Variants in SNAP91 observed in about 807,000 individuals in gnomAD.
The protein encoded by SNAP91 is synaptosome associated protein 91.
Under a neutral mutation model 100.3 loss-of-function variants are expected in SNAP91, and 27 were observed. That is an observed-to-expected ratio of 0.27 (90% CI 0.20 to 0.37). The LOEUF (loss-of-function observed/expected upper bound fraction) is 0.37. Among genes scored for constraint, SNAP91 ranks in the 10% least tolerant of loss-of-function variants. SNAP91 has a pLI of 1.00. For missense variants in SNAP91, 986 were observed against 1,123.7 expected (o/e 0.88, Z 1.75); for synonymous variants, 404 against 398.6 (o/e 1.01, Z -0.16).
chr6:83,582,426 TAA>T lies in SNAP91; in HGVS notation c.2015-72_2015-71del, dbSNP rs372318317. The T allele has an allele frequency of 4.2e-4, 596 of 1,435,570 alleles. 4 individuals are homozygous for T. In the African/African-American group the frequency reaches 6.8e-3, roughly 16 times the overall value. 88.9% of individuals were successfully genotyped at this position (1,435,570 alleles called of 1,614,324 possible). ...GGGTAAAGGCCATAAAAACTGAATT[TAA>T]AAAGTTATAGAAAACTGAAAAGGAA... On this transcript the variant is annotated intron_variant, in intron 22 of 29. Coordinates refer to ENST00000369694, the MANE Select transcript of SNAP91 (RefSeq NM_001242792.2).
chr6:83,693,095 TG>T (rs1353901901), intron 2 of SNAP91, among the ~76,000 whole-genome samples: 1 of 152,212 alleles, frequency 6.6e-6, no homozygotes, highest in Non-Finnish European at 1.5e-5. Flanking sequence ...TATTGCTACC[TG>T]TGACACTAGA....
At chr6:83,582,552 G>T (rs1406561100) in intron 22 of SNAP91, among the ~76,000 whole-genome samples, 196 bp from the exon 23 acceptor site, 2 of 151,290 alleles carry the variant, frequency 1.3e-5, no homozygotes, top group Admixed American at 1.3e-4. Flanking sequence ...ATTAATGAGA[G>T]ATTTAATTTA....
intron 8 of SNAP91, among the ~76,000 whole-genome samples, chr6:83,626,381 C>T (rs2128439011): frequency 6.6e-6 from 1 of 152,068 alleles, no homozygotes; most frequent in Admixed American, 6.6e-5. Flanking sequence ...ATAATTTCTT[C>T]TAGTTCTGTG....
intron 2 of SNAP91, among the ~76,000 whole-genome samples, chr6:83,682,814 A>G (rs2099009887): frequency 6.9e-6 from 1 of 144,964 alleles, no homozygotes. Flanking sequence ...ATTCCCTTTA[A>G]ATTAGCCTTT....
At chr6:83,680,441 T>C (rs957363179) in intron 2 of SNAP91, among the ~76,000 whole-genome samples, 1 of 152,150 alleles carries the variant, frequency 6.6e-6, no homozygotes, top group Non-Finnish European at 1.5e-5. Context: ...CCCAACTCTT[T>C]TTTAAAACTA....
intron 7 of SNAP91, 77 bp from the exon 8 acceptor site, chr6:83,641,279 T>C: frequency 1.7e-6 from 1 of 605,576 alleles, no homozygotes; most frequent in Non-Finnish European, 2.7e-6. Flanking sequence ...TTAAGATTAC[T>C]ACTCAAAACT....
At chr6:83,694,529 C>T (rs1330206569) in intron 2 of SNAP91, among the ~76,000 whole-genome samples, 1 of 152,316 alleles carries the variant, frequency 6.6e-6, no homozygotes, top group Non-Finnish European at 1.5e-5. Flanking sequence ...ATGGGTCAAC[C>T]ATGACCTGTG....
intron 10 of SNAP91, among the ~76,000 whole-genome samples, chr6:83,615,663 C>G (rs1055151281): frequency 6.6e-6 from 1 of 152,148 alleles, no homozygotes; most frequent in Non-Finnish European, 1.5e-5. Flanking sequence ...TTCCAAATAG[C>G]TCTGCCATAA....
At chr6:83,594,549 C>A (rs1214831432) in intron 16 of SNAP91, 68 bp from the exon 17 acceptor site, 3 of 1,000,130 alleles carry the variant, frequency 3.0e-6, no homozygotes, top group African/African-American at 3.3e-5. Context: ...AGTAAAAGAA[C>A]CAAGTTAAAT....
intron 2 of SNAP91, among the ~76,000 whole-genome samples, chr6:83,678,591 T>G (rs1251738804): frequency 1.3e-5 from 2 of 152,190 alleles, no homozygotes; most frequent in African/African-American, 4.8e-5. Context: ...TTTGGGACTT[T>G]TCTCCTTTGC....
chr6:83,617,169 C>A, intron 9 of SNAP91, 130 bp from the exon 10 acceptor site: 1 of 521,816 alleles, frequency 1.9e-6, no homozygotes, highest in Non-Finnish European at 3.3e-6. Context: ...AATTTAATTG[C>A]AGGTTCTTTT....
intron 2 of SNAP91, among the ~76,000 whole-genome samples, chr6:83,675,482 T>C (rs911466587): frequency 3.9e-5 from 6 of 152,098 alleles, no homozygotes; most frequent in African/African-American, 1.2e-4. Flanking sequence ...TCTTTCATTT[T>C]GAAAAAAATA....
chr6:83,642,824 T>C (rs1359298787), intron 7 of SNAP91, among the ~76,000 whole-genome samples: 2 of 152,194 alleles, frequency 1.3e-5, no homozygotes, highest in African/African-American at 4.8e-5. Context: ...AAAGTGTTCC[T>C]ATTTCTCCAC....
At chr6:83,560,748 G>C in intron 27 of SNAP91, 116 bp downstream of exon 27, 1 of 878,118 alleles carries the variant, frequency 1.1e-6, no homozygotes, top group Non-Finnish European at 1.8e-6. Context: ...AACTTTTTAA[G>C]TTTTACTTAC....
intron 9 of SNAP91, among the ~76,000 whole-genome samples, chr6:83,621,145 G>A (rs1381419765): frequency 1.3e-5 from 2 of 152,094 alleles, no homozygotes; most frequent in Admixed American, 6.5e-5. Context: ...CTCGGTGTTT[G>A]TTGTTCACTT....
At chr6:83,572,679 T>C (rs1292033861) in intron 26 of SNAP91, among the ~76,000 whole-genome samples, 1 of 152,190 alleles carries the variant, frequency 6.6e-6, no homozygotes. Context: ...TGAAACTAAC[T>C]TGTTAAAAAA....
Position 83,575,543 on chromosome 6 carries a change from G to A in SNAP91, c.2331-422C>T, listed in dbSNP as rs758483410. 1.7e-3 allele frequency: 394 copies of A among 232,298 alleles called. 2 individuals are homozygous for A. The highest frequency in any genetic ancestry group is 1.9e-3 in the Non-Finnish European group (234 of 121,614). 14.4% of individuals were successfully genotyped at this position (232,298 alleles called of 1,614,324 possible). On this transcript the variant is annotated intron_variant, in intron 25 of 29. Transcript: ENST00000369694. ...AGAATGTTTCACACAACTGTATCATGACTGCAACCTGCCTTACAGTGATCG... is the reference window on the plus strand; with the variant it reads ...AGAATGTTTCACACAACTGTATCATAACTGCAACCTGCCTTACAGTGATCG...
intron 2 of SNAP91, among the ~76,000 whole-genome samples, chr6:83,697,693 T>C (rs1310243170): frequency 1.3e-5 from 2 of 152,316 alleles, no homozygotes; most frequent in East Asian, 3.9e-4. Flanking sequence ...ATTACACTTC[T>C]ATTGCTTTTA....
intron 16 of SNAP91, among the ~76,000 whole-genome samples, chr6:83,596,719 T>C (rs958186318): frequency 1.3e-5 from 2 of 151,886 alleles, no homozygotes; most frequent in Admixed American, 6.6e-5. Context: ...CAAAACATCA[T>C]GTTGTACATT....
Sources: gnomAD v4.1 joint callset for allele counts (sites outside exome capture counted in the v4.1 genomes callset) on GRCh38, gnomAD v4.1.1 for gene constraint, MANE v1.5 for transcripts, NCBI Gene and HGNC (gene_info 2026-07-23, HGNC 2026-07-21) for gene names.